SLC25A38: variants seen among roughly 807,000 people sequenced by gnomAD.
SLC25A38 encodes mitochondrial glycine transporter.
In SLC25A38, 27 loss-of-function variants were observed where a neutral mutation model predicts 33.4. The observed-to-expected ratio is 0.81, with a 90% CI of 0.60 to 1.11. The LOEUF (loss-of-function observed/expected upper bound fraction) is 1.11, where lower values mean the gene tolerates loss of function less well. SLC25A38 is among the 50% of genes most tolerant of loss of function. SLC25A38 has a pLI of 0.00. For missense variants in SLC25A38, 344 were observed against 388.8 expected (o/e 0.88, Z 0.97); for synonymous variants, 123 against 145.9 (o/e 0.84, Z 1.13).
Position 39,391,865 on chromosome 3 carries a change from G to A in SLC25A38, c.469G>A (p.Gly157Ser), listed in dbSNP as rs772425489. Residue 157 changes from glycine to serine, a missense_variant, in exon 5 of 7, where the codon GGC becomes AGC. Gly to Ser is a moderately conservative substitution (Grantham distance 56, BLOSUM62 0). Transcript: ENST00000650617. ...GCTCTCTTTGCAGAGTGGGAAATATGGCTATGAGAGTATCTACGCTGCCCT... is the reference window on the plus strand; with the variant it reads ...GCTCTCTTTGCAGAGTGGGAAATATAGCTATGAGAGTATCTACGCTGCCCT... ...IKTRYESGKYGYESIYAALRS... is the reference protein window; with the variant it reads ...IKTRYESGKYSYESIYAALRS... 4.3e-6 allele frequency: 7 copies of A among 1,613,378 alleles called. No homozygotes were observed. In the South Asian group the frequency reaches 7.7e-5, roughly 18 times the overall value.
rs754461137 is a variant in SLC25A38, at chr3:39,389,548, T to C, written c.123T>C (p.Ser41=). ...FLCGSISGTC[S]TLLFQPLDLL... The stretch of plus-strand genomic sequence containing the variant: ...GTGGCTCCATCAGTGGGACCTGCTC[T>C]ACCCTCCTTTTCCAACCTCTGGATC... The change falls in exon 2 of 7, where the codon TCT becomes TCC. Residue 41 remains serine (S), a synonymous_variant. Coordinates refer to ENST00000650617, the MANE Select transcript of SLC25A38 (RefSeq NM_017875.4). The surrounding 1 kb of genome is among the most constrained non-coding windows in gnomAD (Gnocchi z 4.5). 13 of 1,614,074 alleles carry C rather than the reference T, an allele frequency of 8.1e-6. No homozygotes were observed. The highest frequency in any genetic ancestry group is 2.2e-5 in the South Asian group (2 of 91,088).
At chr3:39,383,824 G>C in intron 1 of SLC25A38, 31 bp downstream of exon 1, 5 of 1,612,618 alleles carry the variant, frequency 3.1e-6, no homozygotes, top group Non-Finnish European at 4.2e-6. Flanking sequence ...GAAGGGCAGG[G>C]GTCCGAACCG....
chr3:39,390,431 G>A lies in SLC25A38; in HGVS notation c.200G>A (p.Arg67His), dbSNP rs139604640. 18 of 1,614,184 alleles carry A rather than the reference G, an allele frequency of 1.1e-5. No individual in the cohort carries two copies. Among genetic ancestry groups the A allele is most frequent in the Middle Eastern group, 1.6e-4 (1 of 6,062 alleles). The change falls in exon 3 of 7, where the codon CGT becomes CAT. Residue 67 changes from arginine to histidine, a missense_variant. Around this residue, in one of 2 missense-constraint regions of SLC25A38, gnomAD observed 269 missense variants for 271.8 expected, o/e 0.99. Coordinates refer to ENST00000650617, the MANE Select transcript of SLC25A38 (RefSeq NM_017875.4). Reference sequence around the variant, plus strand: ...ATTTTGTCTGCTTTCAGGTCTAGACGTGTTGGGATGTTGGCTGTACTCTTG... The same window carrying A: ...ATTTTGTCTGCTTTCAGGTCTAGACATGTTGGGATGTTGGCTGTACTCTTG... ...TLQPSDHGSRRVGMLAVLLKV... is the reference protein window; with the variant it reads ...TLQPSDHGSRHVGMLAVLLKV...
chr3:39,383,632 C>A lies in SLC25A38; in HGVS notation c.-93C>A. The A allele has an allele frequency of 6.9e-7, 1 of 1,458,326 alleles. No individual in the cohort carries two copies. The highest frequency in any genetic ancestry group is 9.6e-7 in the Non-Finnish European group (1 of 1,044,976). The allele number at this position is 1,458,326 out of a possible 1,614,324, so 90.3% of individuals were successfully genotyped here. A position where few individuals can be genotyped will look rare whatever the true frequency, so the allele number is the denominator to read the frequency against. ...CTTAAAGCGCGTCGCCTGGCTAGCG[C>A]CACCCCCTAGCCTTCTTCAAGGCCT... is the stretch of plus-strand genomic sequence containing the variant. On this transcript the variant is annotated 5_prime_UTR_variant, in exon 1 of 7. Coordinates refer to ENST00000650617, the MANE Select transcript of SLC25A38 (RefSeq NM_017875.4).
rs762067787 is a variant in SLC25A38 at position 39,391,445 on chromosome 3, T to C, written c.281T>C (p.Ile94Thr). 27 of 1,613,508 alleles carry C rather than the reference T, an allele frequency of 1.7e-5. No individual in the cohort carries two copies. In the Admixed American group the frequency reaches 2.5e-4, roughly 15 times the overall value. Residue 94 changes from isoleucine to threonine, a missense_variant, in exon 4 of 7, where the codon ATT becomes ACT. By Grantham distance (89) the Ile-to-Thr change is moderately conservative. This residue lies in a region of SLC25A38 where 269 missense variants were observed against 271.8 expected (regional missense o/e 0.99). Coordinates refer to ENST00000650617, the MANE Select transcript of SLC25A38 (RefSeq NM_017875.4). ...LGLWKGMSPS[I>T]VRCVPGVGIY... ...TCTCCCTGACCTTCTCTGCAGTCCA[T>C]TGTGAGATGTGTCCCTGGCGTTGGA...
At chr3:39,385,017 G>T (rs1196839852) in intron 1 of SLC25A38, among the ~76,000 whole-genome samples, 1 of 152,008 alleles carries the variant, frequency 6.6e-6, no homozygotes, top group African/African-American at 2.4e-5. Context: ...GGCCAGGCTG[G>T]TCTTGAACTC....
chr3:39,385,027 C>T (rs1343357230), intron 1 of SLC25A38, among the ~76,000 whole-genome samples: 1 of 152,046 alleles, frequency 6.6e-6, no homozygotes, highest in Non-Finnish European at 1.5e-5. Flanking sequence ...GTCTTGAACT[C>T]CTGACCTCAA....
In SLC25A38 at chr3:39,396,509, C is replaced by T; in HGVS notation, c.904C>T (p.Leu302=). ...VYEEMMAKMG[L]KS is the part of the protein sequence containing the mutation. The stretch of plus-strand genomic sequence containing the variant: ...TGAAGAGATGATGGCCAAGATGGGC[C>T]TGAAGTCCTGACCAAGAGAGGACTG... The change falls in exon 7 of 7, where the codon CTG becomes TTG. Residue 302 remains leucine (L), a synonymous_variant. Coordinates refer to ENST00000650617, the MANE Select transcript of SLC25A38 (RefSeq NM_017875.4). The T allele has an allele frequency of 6.2e-7, 1 of 1,614,056 alleles. No homozygotes were observed. Among genetic ancestry groups the T allele is most frequent in the South Asian group, 1.1e-5 (1 of 91,074 alleles).
chr3:39,385,374 C>T (rs953960189), intron 1 of SLC25A38, among the ~76,000 whole-genome samples: 3 of 151,990 alleles, frequency 2.0e-5, no homozygotes, highest in African/African-American at 7.3e-5. Context: ...AAATAAAAGA[C>T]GTTAAGAAGA....
At chr3:39,387,332 C>G (rs985039132) in intron 1 of SLC25A38, among the ~76,000 whole-genome samples, 1 of 152,086 alleles carries the variant, frequency 6.6e-6, no homozygotes, top group Non-Finnish European at 1.5e-5. Context: ...GAGGTGGTGT[C>G]TATAGATGCC....
In SLC25A38 at chr3:39,383,942, G is replaced by A. The variant is rs568903393; in HGVS notation, c.69+149G>A. ...TGCGGCGGGAGAGGAGTCTGACTAA[G>A]GGAATTGAGAAGGGGGCAGGGAGTG... is the stretch of plus-strand genomic sequence containing the variant. On this transcript the variant is annotated intron_variant, in intron 1 of 6. Coordinates refer to ENST00000650617, the MANE Select transcript of SLC25A38 (RefSeq NM_017875.4). 1.8e-4 allele frequency: 166 copies of A among 924,444 alleles called. 2 individuals carry two copies. The East Asian group carries it at 2.8e-3, about 15-fold the overall frequency. The allele number at this position is 924,444 out of a possible 1,614,324, so 57.3% of individuals were successfully genotyped here.
rs1458894608 is a variant in SLC25A38, at chr3:39,389,166, G to T, written c.70-329G>T. On this transcript the variant is annotated intron_variant, in intron 1 of 6. Coordinates refer to ENST00000650617, the MANE Select transcript of SLC25A38 (RefSeq NM_017875.4). This position sits in a 1 kb window ranked among gnomAD's most constrained non-coding sequence, Gnocchi z 4.5. ...ATTCAATTGACTTTGCTTTTGCAAA[G>T]ATAGGGAGATGACCAGTAACTTTTT... is the stretch of plus-strand genomic sequence containing the variant. Among the ~76,000 whole-genome samples, 10 of 152,250 alleles carry T rather than the reference G, an allele frequency of 6.6e-5. No homozygotes were observed. Among genetic ancestry groups the T allele is most frequent in the Admixed American group, 6.5e-4 (10 of 15,290 alleles).
In SLC25A38 at chr3:39,394,455, G is replaced by C; in HGVS notation, c.671G>C (p.Gly224Ala). ...ATTCCTATTACAAATTTCAGCTGTGGGATATTTGCTGGTATTCTGGCCTCA... is the reference window on the plus strand; with the variant it reads ...ATTCCTATTACAAATTTCAGCTGTGCGATATTTGCTGGTATTCTGGCCTCA... ...TLIPITNFSC[G>A]IFAGILASLV... The change falls in exon 6 of 7, where the codon GGG becomes GCG. Residue 224 changes from glycine (G) to alanine (A), a missense_variant. This residue lies in a region of SLC25A38 where 75 missense variants were observed against 117.0 expected (regional missense o/e 0.64). Transcript: ENST00000650617. 6.2e-7 allele frequency: 1 copy of C among 1,613,722 alleles called. No homozygotes were observed. Among genetic ancestry groups the C allele is most frequent in the Non-Finnish European group, 8.5e-7 (1 of 1,180,018 alleles).
chr3:39,394,342 A>C, intron 5 of SLC25A38, 68 bp from the exon 6 acceptor site: 1 of 1,599,252 alleles, frequency 6.3e-7, no homozygotes, highest in Non-Finnish European at 8.6e-7. Flanking sequence ...ATTGGTGGGC[A>C]ACTTGCACTG....
chr3:39,394,448 A>T lies in SLC25A38; in HGVS notation c.664A>T (p.Ser222Cys). ...DATLIPITNF[S>C]CGIFAGILAS... ...AACCCTTATTCCTATTACAAATTTCAGCTGTGGGATATTTGCTGGTATTCT... is the reference window on the plus strand; with the variant it reads ...AACCCTTATTCCTATTACAAATTTCTGCTGTGGGATATTTGCTGGTATTCT... Residue 222 changes from serine (S) to cysteine (C), a missense_variant, in exon 6 of 7, where the codon AGC becomes TGC. Ser to Cys is a moderately radical substitution (Grantham distance 112, BLOSUM62 -1). Coordinates refer to ENST00000650617, the MANE Select transcript of SLC25A38 (RefSeq NM_017875.4). The T allele has an allele frequency of 6.2e-7, 1 of 1,613,666 alleles. No homozygotes were observed. Among genetic ancestry groups the T allele is most frequent in the Non-Finnish European group, 8.5e-7 (1 of 1,180,020 alleles).
intron 5 of SLC25A38, 135 bp downstream of exon 5, chr3:39,392,156 A>T: frequency 8.3e-7 from 1 of 1,201,334 alleles, no homozygotes; most frequent in Non-Finnish European, 1.2e-6. Flanking sequence ...TGTGTCAGGA[A>T]CTGGGATGCA....
chr3:39,384,810 T>C (rs543694368), intron 1 of SLC25A38: 19 of 395,488 alleles, frequency 4.8e-5, no homozygotes, highest in African/African-American at 2.1e-4. Flanking sequence ...TTTCTTTTTT[T>C]TTTTTTTTGA....
Position 39,391,836 on chromosome 3 carries a change from C to T in SLC25A38, c.457-17C>T, listed in dbSNP as rs754977440. The T allele has an allele frequency of 9.9e-6, 16 of 1,612,864 alleles. No individual in the cohort carries two copies. Among genetic ancestry groups the T allele is most frequent in the Non-Finnish European group, 1.3e-5 (15 of 1,179,916 alleles). ...AGCGCCTCCATGCGAGTCACTGGTTCTGTGCTCTCTTTGCAGAGTGGGAAA... is the reference window on the plus strand; with the variant it reads ...AGCGCCTCCATGCGAGTCACTGGTTTTGTGCTCTCTTTGCAGAGTGGGAAA... On this transcript the variant is annotated splice_polypyrimidine_tract_variant and intron_variant, in intron 4 of 6. Transcript: ENST00000650617.
In SLC25A38 at chr3:39,383,629, G is replaced by A; in HGVS notation, c.-96G>A. 1 of 1,449,228 alleles carries A rather than the reference G, an allele frequency of 6.9e-7. No homozygotes were observed. The highest frequency in any genetic ancestry group is 9.6e-7 in the Non-Finnish European group (1 of 1,038,248). The allele number at this position is 1,449,228 out of a possible 1,614,324, so 89.8% of individuals were successfully genotyped here. ...CGGCTTAAAGCGCGTCGCCTGGCTA[G>A]CGCCACCCCCTAGCCTTCTTCAAGG... is the stretch of plus-strand genomic sequence containing the variant. On this transcript the variant is annotated 5_prime_UTR_variant, in exon 1 of 7. Coordinates refer to ENST00000650617, the MANE Select transcript of SLC25A38 (RefSeq NM_017875.4).
Sources: allele counts gnomAD v4.1 joint callset (sites outside exome capture counted in the v4.1 genomes callset), GRCh38; gene constraint gnomAD v4.1.1; regional missense constraint gnomAD v4.1.1; non-coding constraint Gnocchi (gnomAD v3.1); transcripts MANE v1.5; gene names NCBI Gene and HGNC (gene_info 2026-07-23, HGNC 2026-07-21).